The following DNM3 variants were observed in gnomAD, a reference collection of about 807,000 sequenced individuals.
The protein encoded by DNM3 is dynamin-3.
In DNM3, 47 loss-of-function variants were observed where a neutral mutation model predicts 101.6. The observed-to-expected ratio is 0.46, with a 90% CI of 0.37 to 0.59. The LOEUF is 0.59. Ranked by LOEUF, DNM3 falls within the 20% of genes least tolerant of loss-of-function variation. DNM3 has a pLI of 0.00. For missense variants in DNM3, 849 were observed against 1,085.7 expected, an observed-to-expected ratio of 0.78 and a Z score of 3.06; for synonymous variants, 385 against 387.9, an observed-to-expected ratio of 0.99 and a Z score of 0.09.
At chr1:172,225,396 A>C (rs754684485) in intron 14 of DNM3, among the ~76,000 whole-genome samples, 1 of 151,590 alleles carries the variant, frequency 6.6e-6, no homozygotes. Flanking sequence ...CGGCCTCCCA[A>C]AGTGCTGGGA....
At chr1:172,051,414 T>C (rs2050195936) in intron 10 of DNM3, among the ~76,000 whole-genome samples, 1 of 152,202 alleles carries the variant, frequency 6.6e-6, no homozygotes, top group African/African-American at 2.4e-5. Context: ...GTGTTCAGTG[T>C]CCATGTAGAT....
In DNM3 at chr1:172,073,677, C is replaced by T. The variant is rs137912686; in HGVS notation, c.1422+4772C>T. 3.0e-4 allele frequency among the ~76,000 whole-genome samples: 45 copies of T among 152,244 alleles called. 2 individuals are homozygous for T. The East Asian group carries it at 7.5e-3, about 25-fold the overall frequency. On this transcript the variant is annotated intron_variant, in intron 11 of 20. Coordinates refer to ENST00000627582, the MANE Select transcript of DNM3 (RefSeq NM_015569.5). ...TGCTACCTTCAATGAAGGGAGGCAG[C>T]AAACAAATACTCACAATAGTCACCA... is the stretch of plus-strand genomic sequence containing the variant.
At chr1:172,082,006 T>C (rs2053185559) in intron 12 of DNM3, 104 bp downstream of exon 12, 12 of 1,208,162 alleles carry the variant, frequency 9.9e-6, no homozygotes, top group Non-Finnish European at 1.4e-5. Flanking sequence ...GAATACAATC[T>C]GTGCCAGGAT....
At chr1:172,368,608 A>G (rs1025812549) in intron 17 of DNM3, among the ~76,000 whole-genome samples, 7 of 151,898 alleles carry the variant, frequency 4.6e-5, no homozygotes, top group African/African-American at 1.7e-4. Context: ...TTAGAAGGAA[A>G]GAAATAATAA....
chr1:172,289,053 A>G (rs2063804653), intron 15 of DNM3, among the ~76,000 whole-genome samples: 1 of 152,132 alleles, frequency 6.6e-6, no homozygotes. Flanking sequence ...GATATATTGA[A>G]AAGTTTGTTC....
chr1:172,111,054 T>C (rs919773685), intron 13 of DNM3, among the ~76,000 whole-genome samples: 2 of 152,242 alleles, frequency 1.3e-5, no homozygotes, highest in African/African-American at 4.8e-5. Context: ...AAAATTAAAT[T>C]AAATACGTGT....
At chr1:172,360,422 A>C (rs2067679560) in intron 17 of DNM3, among the ~76,000 whole-genome samples, 1 of 152,070 alleles carries the variant, frequency 6.6e-6, no homozygotes, top group African/African-American at 2.4e-5. Flanking sequence ...TTCACTTTAT[A>C]GATAGTATCC....
intron 2 of DNM3, among the ~76,000 whole-genome samples, chr1:171,978,585 T>G (rs1029191274): frequency 6.6e-6 from 1 of 152,090 alleles, no homozygotes; most frequent in African/African-American, 2.4e-5. Context: ...GGAATCTGGA[T>G]TTTTCTAAAT....
intron 1 of DNM3, among the ~76,000 whole-genome samples, chr1:171,903,037 C>A (rs1346562911): frequency 6.6e-6 from 1 of 152,076 alleles, no homozygotes; most frequent in South Asian, 2.1e-4. Context: ...GCCAAATAGT[C>A]CCAGCTATTT....
At chr1:172,010,811 C>T (rs544884665) in intron 4 of DNM3, among the ~76,000 whole-genome samples, 6 of 149,280 alleles carry the variant, frequency 4.0e-5, no homozygotes, top group Admixed American at 2.0e-4. Flanking sequence ...TACTCATGTT[C>T]GTGTTTTATT....
At chr1:172,333,246 A>G (rs11805388) in intron 17 of DNM3, among the ~76,000 whole-genome samples, 4,154 of 152,284 alleles carry the variant, frequency 0.027, 79 homozygotes, top group Middle Eastern at 0.041. Flanking sequence ...CTAATAAGTT[A>G]AGACAAAACT....
At chr1:172,026,107 A>G (rs2125772843) in intron 4 of DNM3, among the ~76,000 whole-genome samples, 1 of 152,266 alleles carries the variant, frequency 6.6e-6, no homozygotes, top group African/African-American at 2.4e-5. Context: ...TTAGAGAAGA[A>G]CATAAATGAC....
chr1:172,276,659 C>T lies in DNM3; in HGVS notation c.1769+22977C>T, dbSNP rs181452972. 7.6e-4 allele frequency among the ~76,000 whole-genome samples: 114 copies of T among 149,576 alleles called. 1 individual carries two copies. The highest frequency in any genetic ancestry group is 7.5e-3 in the Admixed American group (111 of 14,872). On this transcript the variant is annotated intron_variant, in intron 15 of 20. Coordinates refer to ENST00000627582, the MANE Select transcript of DNM3 (RefSeq NM_015569.5). ...TTATAAACCAGTCTTGAGTGTGATA[C>T]CACTGTTTATTATTGATACCTTCAA...
intron 14 of DNM3, among the ~76,000 whole-genome samples, chr1:172,201,557 G>T (rs1177733405): frequency 6.6e-6 from 1 of 152,230 alleles, no homozygotes; most frequent in African/African-American, 2.4e-5. Flanking sequence ...TCCCTGTGTG[G>T]TGATGAGCAG....
intron 1 of DNM3, among the ~76,000 whole-genome samples, chr1:171,876,748 A>G (rs770948379): frequency 3.2e-4 from 49 of 152,214 alleles, no homozygotes; most frequent in Admixed American, 6.5e-4. Context: ...AATTACTACT[A>G]AAGTACTGTG....
At chr1:172,271,405 C>T (rs991308587) in intron 15 of DNM3, among the ~76,000 whole-genome samples, 1 of 152,084 alleles carries the variant, frequency 6.6e-6, no homozygotes, top group Non-Finnish European at 1.5e-5. Flanking sequence ...ATATGTTTTA[C>T]TTTAAAAATT....
chr1:171,898,129 G>A (rs2125212943), intron 1 of DNM3, among the ~76,000 whole-genome samples: 1 of 152,168 alleles, frequency 6.6e-6, no homozygotes, highest in African/African-American at 2.4e-5. Flanking sequence ...TAACAATCTG[G>A]CATTTTCTAC....
intron 15 of DNM3, among the ~76,000 whole-genome samples, chr1:172,261,436 A>G (rs1239637324): frequency 1.3e-5 from 2 of 152,208 alleles, no homozygotes; most frequent in African/African-American, 4.8e-5. Context: ...TGCAGTTGTT[A>G]TTAGTAGAGG....
Position 172,229,372 on chromosome 1 carries a change from AAGTC to A in DNM3, c.1660-24197_1660-24194del, listed in dbSNP as rs1024828558. Reference sequence around the variant, plus strand: ...ATATATGTTATAAAACAATCTGAGAAAGTCAGTAAGAACTCACAATCAAATGGCA... The same window carrying A: ...ATATATGTTATAAAACAATCTGAGAAAGTAAGAACTCACAATCAAATGGCA... On this transcript the variant is annotated intron_variant, in intron 14 of 20. Coordinates refer to ENST00000627582, the MANE Select transcript of DNM3 (RefSeq NM_015569.5). 5.3e-5 allele frequency among the ~76,000 whole-genome samples: 8 copies of A among 152,306 alleles called. No homozygotes were observed. The East Asian group carries it at 5.8e-4, about 11-fold the overall frequency.
Sources: gnomAD v4.1 joint callset for allele counts (sites outside exome capture counted in the v4.1 genomes callset) on GRCh38, gnomAD v4.1.1 for gene constraint, MANE v1.5 for transcripts, NCBI Gene and HGNC (gene_info 2026-07-23, HGNC 2026-07-21) for gene names.